GPC5: variants seen among roughly 807,000 people sequenced by gnomAD.
GPC5 encodes glypican-5.
A neutral mutation model predicts 53.9 loss-of-function variants in GPC5; 47 were observed. The observed-to-expected ratio is 0.87, with a 90% CI of 0.69 to 1.11. GPC5 has a LOEUF of 1.11. GPC5 is among the 50% of genes most tolerant of loss of function. The pLI is 0.00. For missense variants in GPC5, 748 were observed against 713.1 expected (o/e 1.05, Z -0.56); for synonymous variants, 286 against 263.3 (o/e 1.09, Z -0.84).
chr13:92,384,056 G>A (rs148741138), intron 7 of GPC5, among the ~76,000 whole-genome samples: 8 of 151,702 alleles, frequency 5.3e-5, no homozygotes, highest in African/African-American at 1.7e-4. Context: ...GCAGCAAAGA[G>A]AGAAATACTT....
intron 7 of GPC5, among the ~76,000 whole-genome samples, chr13:92,833,861 G>C (rs9589633): frequency 6.6e-6 from 1 of 152,202 alleles, no homozygotes; most frequent in South Asian, 2.1e-4. Flanking sequence ...TAGTATATCC[G>C]TAAGAGTTAA....
chr13:92,405,659 T>G (rs998541324), intron 7 of GPC5, among the ~76,000 whole-genome samples: 5 of 152,206 alleles, frequency 3.3e-5, no homozygotes, highest in Admixed American at 6.5e-5. Context: ...CCTAATATTC[T>G]ACATTATATC....
intron 7 of GPC5, among the ~76,000 whole-genome samples, chr13:92,584,212 A>G (rs1240087474): frequency 6.6e-6 from 1 of 152,150 alleles, no homozygotes; most frequent in African/African-American, 2.4e-5. Context: ...AAGACAGGAA[A>G]ATGTGGGAAA....
chr13:91,403,612 G>A (rs564740049), intron 1 of GPC5, among the ~76,000 whole-genome samples: 1 of 152,140 alleles, frequency 6.6e-6, no homozygotes, highest in South Asian at 2.1e-4. Flanking sequence ...CCTCATCATT[G>A]TTTTCTAATT....
rs71113759 is a variant in GPC5 at position 91,770,704 on chromosome 13, T to TTGTGTGTGTGTGTGTGTGTG, written c.1280+14300_1280+14319dup. ...TTCAAAGACTGGGGAGACTGTGTGT[T>TTGTGTGTGTGTGTGTGTGTG]TGTGTGTGTGTGTGTGTGTGTGTGT... On this transcript the variant is annotated intron_variant, in intron 5 of 7. Transcript: ENST00000377067. 7.8e-3 allele frequency among the ~76,000 whole-genome samples: 1,135 copies of TTGTGTGTGTGTGTGTGTGTG among 145,628 alleles called. 9 individuals are homozygous for TTGTGTGTGTGTGTGTGTGTG. The highest frequency in any genetic ancestry group is 9.4e-3 in the Non-Finnish European group (625 of 66,266).
In GPC5 at chr13:91,778,387, T is replaced by C. The variant is rs9301752; in HGVS notation, c.1280+21967T>C. 2.7e-3 allele frequency among the ~76,000 whole-genome samples: 416 copies of C among 152,304 alleles called. 1 individual carries two copies. Among genetic ancestry groups the C allele is most frequent in the African/African-American group, 9.5e-3 (395 of 41,566 alleles). ...CCATCTTCTTCACTTTCAGATTCAA[T>C]GGTTATAAGTTTCGTGTCCTGACAA... On this transcript the variant is annotated intron_variant, in intron 5 of 7. Transcript: ENST00000377067.
chr13:91,771,502 A>G (rs562066673), intron 5 of GPC5, among the ~76,000 whole-genome samples: 2 of 152,214 alleles, frequency 1.3e-5, no homozygotes, highest in South Asian at 2.1e-4. Flanking sequence ...ACAAGGTAGA[A>G]CAACCAAAAT....
intron 7 of GPC5, among the ~76,000 whole-genome samples, chr13:92,363,594 C>A (rs2043585710): frequency 6.6e-6 from 1 of 151,674 alleles, no homozygotes; most frequent in African/African-American, 2.4e-5. Context: ...TGCTTGTCTG[C>A]TGCTCACCTC....
At chr13:92,758,602 T>C (rs1415680744) in intron 7 of GPC5, among the ~76,000 whole-genome samples, 2 of 152,196 alleles carry the variant, frequency 1.3e-5, no homozygotes, top group Non-Finnish European at 2.9e-5. Context: ...CTTTGGCTGT[T>C]ATAGCCATTT....
At chr13:91,913,999 G>A (rs143947583) in intron 6 of GPC5, among the ~76,000 whole-genome samples, 24 of 152,234 alleles carry the variant, frequency 1.6e-4, no homozygotes, top group African/African-American at 5.3e-4. Context: ...ATCTGATTGA[G>A]GAAATGCGAG....
intron 2 of GPC5, among the ~76,000 whole-genome samples, chr13:91,487,440 T>G (rs1883673867): frequency 6.6e-6 from 1 of 152,186 alleles, no homozygotes; most frequent in African/African-American, 2.4e-5. Context: ...TCACTCTTAT[T>G]TTCTGTGATA....
chr13:92,156,037 GT>G (rs2041942658), intron 7 of GPC5, among the ~76,000 whole-genome samples: 1 of 151,982 alleles, frequency 6.6e-6, no homozygotes, highest in Non-Finnish European at 1.5e-5. Context: ...ATAAAGCTTT[GT>G]TTCAATAGCT....
At chr13:92,864,558 C>T (rs1266539163) in intron 7 of GPC5, among the ~76,000 whole-genome samples, 3 of 150,978 alleles carry the variant, frequency 2.0e-5, no homozygotes, top group Non-Finnish European at 4.4e-5. Context: ...ATGTAGTTAT[C>T]TTAGAAAAAA....
chr13:91,487,978 T>A (rs1419852044), intron 2 of GPC5, among the ~76,000 whole-genome samples: 1 of 151,598 alleles, frequency 6.6e-6, no homozygotes, highest in Admixed American at 6.6e-5. Context: ...AGGAGATAGA[T>A]GTATAAAAAA....
chr13:92,119,173 G>A (rs1157146488), intron 6 of GPC5, among the ~76,000 whole-genome samples: 1 of 152,100 alleles, frequency 6.6e-6, no homozygotes, highest in East Asian at 1.9e-4. Context: ...GAGAGCATTT[G>A]TGCAGGGGAA....
chr13:92,554,679 A>G (rs984338565), intron 7 of GPC5, among the ~76,000 whole-genome samples: 1 of 151,264 alleles, frequency 6.6e-6, no homozygotes, highest in African/African-American at 2.4e-5. Context: ...GAGGAAAGAG[A>G]AAAACTATAC....
At chr13:92,761,624 T>A (rs1047146211) in intron 7 of GPC5, among the ~76,000 whole-genome samples, 30 of 152,188 alleles carry the variant, frequency 2.0e-4, no homozygotes, top group African/African-American at 6.8e-4. Context: ...CTAAAGTAGG[T>A]CTCTTGTAGC....
chr13:92,451,380 C>G (rs1878055695), intron 7 of GPC5, among the ~76,000 whole-genome samples: 1 of 151,768 alleles, frequency 6.6e-6, no homozygotes, highest in Admixed American at 6.6e-5. Context: ...GTGTAGATTT[C>G]TAGCTTGTGG....
chr13:92,264,890 G>C (rs1016908479), intron 7 of GPC5, among the ~76,000 whole-genome samples: 4,238 of 73,450 alleles, frequency 0.058, 218 homozygotes, highest in African/African-American at 0.21. Flanking sequence ...GTGTGTGTGT[G>C]TGTGTGTGTG....
Sources: allele counts gnomAD v4.1 joint callset (sites outside exome capture counted in the v4.1 genomes callset), GRCh38; gene constraint gnomAD v4.1.1; transcripts MANE v1.5; gene names NCBI Gene and HGNC (gene_info 2026-07-23, HGNC 2026-07-21).